ELF1: variants seen among roughly 807,000 people sequenced by gnomAD.
ELF1 encodes E74 like ETS transcription factor 1.
In ELF1, 24 loss-of-function variants were observed where a neutral mutation model predicts 59.9. That is an observed-to-expected ratio of 0.40 (90% CI 0.29 to 0.56). ELF1 has a LOEUF of 0.56. ELF1 is among the 20% of genes least tolerant of loss of function. ELF1 has a pLI of 0.44. For missense variants in ELF1, 627 were observed against 742.2 expected (o/e 0.84, Z 1.80); for synonymous variants, 248 against 266.2 (o/e 0.93, Z 0.67).
At chr13:41,023,714 A>C (rs550908768), upstream of ELF1, among the ~76,000 whole-genome samples, 11 of 152,320 alleles carry the variant, frequency 7.2e-5, no homozygotes, top group South Asian at 1.9e-3. Flanking sequence ...ACCACCCACA[A>C]AAAGCAGGCC....
intron 1 of ELF1, among the ~76,000 whole-genome samples, chr13:41,045,219 T>C (rs189443179): frequency 3.7e-4 from 56 of 151,416 alleles, no homozygotes; most frequent in African/African-American, 1.3e-3. Flanking sequence ...TCTATCAATT[T>C]TGTTGATCTT....
At chr13:40,954,775 A>G in intron 3 of ELF1, among the ~76,000 whole-genome samples, 1 of 150,394 alleles carries the variant, frequency 6.6e-6, no homozygotes, top group Non-Finnish European at 1.5e-5. Flanking sequence ...GCTGGAGTGC[A>G]GTGGCGTGAT....
rs71200146 is a variant in ELF1, at chr13:40,954,420, G to GCTCTCCCTCTCCCTC, written c.254-2985_254-2984insGAGGGAGAGGGAGAG. 8.8e-5 allele frequency among the ~76,000 whole-genome samples: 13 copies of GCTCTCCCTCTCCCTC among 148,374 alleles called. No individual in the cohort carries two copies. The South Asian group carries it at 1.6e-3, about 18-fold the overall frequency. ...AGATCTAGTGGTTTGAAAGTGTGTA[G>GCTCTCCCTCTCCCTC]CTCTCCCTCTCCCCACGGTCTCCCT... On this transcript the variant is annotated intron_variant, in intron 3 of 8. Coordinates refer to ENST00000239882, the MANE Select transcript of ELF1 (RefSeq NM_172373.4).
intron 1 of ELF1, among the ~76,000 whole-genome samples, chr13:40,992,574 CAT>C (rs1873911635): frequency 6.6e-6 from 1 of 152,188 alleles, no homozygotes; most frequent in African/African-American, 2.4e-5. Context: ...GCACATATGA[CAT>C]ATTTAAAAAT....
intron 1 of ELF1, among the ~76,000 whole-genome samples, chr13:41,005,756 T>C (rs1319197935): frequency 6.6e-6 from 1 of 152,150 alleles, no homozygotes; most frequent in Non-Finnish European, 1.5e-5. Flanking sequence ...TTAACCAACC[T>C]TCCAGTTAAT....
At chr13:40,965,965 G>A (rs1872151177) in intron 2 of ELF1, among the ~76,000 whole-genome samples, 1 of 152,194 alleles carries the variant, frequency 6.6e-6, no homozygotes, top group African/African-American at 2.4e-5. Flanking sequence ...TTTGCATCCA[G>A]GCTTCAGGAC....
At chr13:41,034,974 T>C (rs1178697657) in intron 1 of ELF1, among the ~76,000 whole-genome samples, 2 of 152,232 alleles carry the variant, frequency 1.3e-5, no homozygotes, top group African/African-American at 2.4e-5. Context: ...TTTTTCACTC[T>C]ACCTTTTCAG....
At chr13:41,048,172 T>C (rs890556291) in intron 1 of ELF1, among the ~76,000 whole-genome samples, 2 of 152,236 alleles carry the variant, frequency 1.3e-5, no homozygotes, top group Non-Finnish European at 2.9e-5. Context: ...AGGTGCCTTC[T>C]GTCACAGCTT....
chr13:40,958,864 G>A lies in ELF1; in HGVS notation c.225C>T (p.Asp75=), dbSNP rs750901765. Residue 75 remains aspartate, a synonymous_variant, in exon 3 of 9, where the codon GAC becomes GAT. Transcript: ENST00000239882. ...SLDVAEEEII[D]DDDDDITLTV... Reference sequence around the variant, plus strand: ...TAAGGGTGATGTCATCATCATCATCGTCTATGATTTCTTCTTCAGCAACAT... The same window carrying A: ...TAAGGGTGATGTCATCATCATCATCATCTATGATTTCTTCTTCAGCAACAT... 5.6e-6 allele frequency: 9 copies of A among 1,612,860 alleles called. No homozygotes were observed. Among genetic ancestry groups the A allele is most frequent in the South Asian group, 4.4e-5 (4 of 90,936 alleles).
At chr13:40,972,904 C>G (rs550073331) in intron 2 of ELF1, among the ~76,000 whole-genome samples, 26 of 152,194 alleles carry the variant, frequency 1.7e-4, no homozygotes, top group African/African-American at 5.3e-4. Context: ...AAAAAATCAT[C>G]TCCCACCTAA....
At chr13:40,942,902 A>G (rs1272951151) in intron 7 of ELF1, 50 bp downstream of exon 7, 1 of 1,426,796 alleles carries the variant, frequency 7.0e-7, no homozygotes, top group African/African-American at 1.4e-5. Context: ...TTTTTTTACA[A>G]TTTAGAAAAT....
chr13:41,042,934 T>C lies in ELF1; in HGVS notation c.-229+17904A>G, dbSNP rs533564342. ...TACAGTACCACCAACAGTGTAAAAG[T>C]GTTCCTATTTCTCCACATCCTCTCC... On this transcript the variant is annotated intron_variant, in intron 1 of 1. Transcript: ENST00000405737. Among the ~76,000 whole-genome samples the C allele has an allele frequency of 3.3e-5, 5 of 152,304 alleles. No individual in the cohort carries two copies. The South Asian group carries it at 1.0e-3, about 32-fold the overall frequency.
intron 4 of ELF1, 84 bp from the exon 5 acceptor site, chr13:40,950,057 T>A (rs1196990786): frequency 3.4e-6 from 4 of 1,191,608 alleles, no homozygotes; most frequent in Non-Finnish European, 4.6e-6. Context: ...GTTTCTATTA[T>A]GACTAGAAGA....
intron 3 of ELF1, among the ~76,000 whole-genome samples, chr13:40,954,391 C>T (rs971211772): frequency 2.2e-5 from 3 of 136,774 alleles, no homozygotes; most frequent in African/African-American, 7.6e-5. Context: ...AATGAGTTCT[C>T]ATGAGATCTA....
intron 8 of ELF1, among the ~76,000 whole-genome samples, chr13:40,936,484 T>C (rs1869778842): frequency 6.6e-6 from 1 of 152,084 alleles, no homozygotes; most frequent in South Asian, 2.1e-4. Context: ...CCGGGCACGG[T>C]GGCTCATGCC....
chr13:41,059,674 C>T (rs1047759230), intron 1 of ELF1, among the ~76,000 whole-genome samples: 2 of 152,200 alleles, frequency 1.3e-5, no homozygotes, highest in African/African-American at 2.4e-5. Flanking sequence ...TTTCAGCTTG[C>T]ATTTAAGATA....
At chr13:41,001,423 CT>C (rs916582961) in intron 1 of ELF1, among the ~76,000 whole-genome samples, 1 of 152,072 alleles carries the variant, frequency 6.6e-6, no homozygotes, top group South Asian at 2.1e-4. Flanking sequence ...CTCCATCTAT[CT>C]TTTTTTTAAA....
intron 2 of ELF1, among the ~76,000 whole-genome samples, chr13:40,969,613 T>C (rs1256328653): frequency 6.6e-6 from 1 of 152,242 alleles, no homozygotes; most frequent in East Asian, 1.9e-4. Context: ...TATATGTGTG[T>C]ATGCAAATTC....
intron 1 of ELF1, among the ~76,000 whole-genome samples, chr13:41,032,063 A>T (rs1347149653): frequency 6.6e-6 from 1 of 152,002 alleles, no homozygotes; most frequent in African/African-American, 2.4e-5. Context: ...CAAGTTCAAA[A>T]AGGGTCATCT....
Sources: gnomAD v4.1 joint callset for allele counts (sites outside exome capture counted in the v4.1 genomes callset) on GRCh38, gnomAD v4.1.1 for gene constraint, MANE v1.5 for transcripts, NCBI Gene and HGNC (gene_info 2026-07-23, HGNC 2026-07-21) for gene names.